Variants in TTC6 observed in about 807,000 individuals in gnomAD.
TTC6 encodes the protein tetratricopeptide repeat domain 6.
Under a neutral mutation model 210.4 loss-of-function variants are expected in TTC6, and 172 were observed. The ratio of observed to expected loss-of-function variants is 0.82; its 90% CI spans 0.72 to 0.93. TTC6 has a LOEUF of 0.93. Among genes scored for constraint, TTC6 ranks in the 40% least tolerant of loss-of-function variants. The pLI is 0.00. For missense variants in TTC6, 2,414 were observed against 2,318.1 expected (o/e 1.04, Z -0.85); for synonymous variants, 804 against 819.6 (o/e 0.98, Z 0.32).
chr14:37,688,094 A>C (rs2138594391), intron 3 of TTC6, among the ~76,000 whole-genome samples: 1 of 152,284 alleles, frequency 6.6e-6, no homozygotes, highest in Non-Finnish European at 1.5e-5. Flanking sequence ...CAGGACAAGC[A>C]GCATTTACCA....
intron 14 of TTC6, among the ~76,000 whole-genome samples, chr14:37,781,880 G>A (rs573777809): frequency 6.6e-6 from 1 of 152,144 alleles, no homozygotes; most frequent in African/African-American, 2.4e-5. Flanking sequence ...TTATTAAGTG[G>A]GGAATCCTTT....
In TTC6 at chr14:37,753,038, G is replaced by A. The variant is rs1435998975; in HGVS notation, c.3130-61G>A. On this transcript the variant is annotated intron_variant, in intron 13 of 30. Coordinates refer to ENST00000553443, the Ensembl canonical transcript of TTC6. The stretch of plus-strand genomic sequence containing the variant: ...AAACATAGTTTTAGATCACTTATGT[G>A]ATTATATACTTCATTTTTTTTCATT... The A allele has an allele frequency of 1.9e-5, 25 of 1,344,714 alleles. No individual in the cohort carries two copies. In the Admixed American group the frequency reaches 3.4e-4, roughly 18 times the overall value. The allele number at this position is 1,344,714 out of a possible 1,614,324, so 83.3% of individuals were successfully genotyped here. A position where few individuals can be genotyped will look rare whatever the true frequency, so the allele number is the denominator to read the frequency against.
intron 1 of TTC6, among the ~76,000 whole-genome samples, chr14:37,658,869 C>G (rs1270412814): frequency 1.3e-5 from 2 of 152,016 alleles, no homozygotes; most frequent in Non-Finnish European, 2.9e-5. Flanking sequence ...ATTTCATCAC[C>G]CAGGTACTAA....
exon 29 of TTC6, chr14:37,827,252 C>T (rs1332094456): frequency 1.2e-6 from 2 of 1,612,908 alleles, no homozygotes; most frequent in Non-Finnish European, 1.7e-6. Flanking sequence ...AGTTTATGGG[C>T]CACAAACAGA....
At chr14:37,790,901 AG>A in intron 16 of TTC6, 64 bp downstream of exon 18, 4 of 1,402,572 alleles carry the variant, frequency 2.9e-6, no homozygotes, top group Non-Finnish European at 1.9e-6. Flanking sequence ...CTGAAATGGG[AG>A]AAAAAGTTTC....
At chr14:37,614,622 C>T (rs893263148) in intron 2 of TTC6, among the ~76,000 whole-genome samples, 17 of 151,040 alleles carry the variant, frequency 1.1e-4, no homozygotes, top group South Asian at 2.1e-4. Flanking sequence ...AATTCCTATC[C>T]GCTGGTGAGT....
chr14:37,824,606 G>A (rs892662581), intron 27 of TTC6, among the ~76,000 whole-genome samples: 7 of 152,142 alleles, frequency 4.6e-5, no homozygotes, highest in African/African-American at 1.4e-4. Flanking sequence ...ACTACCCAGT[G>A]GAGAGATAGG....
At chr14:37,667,614 C>T (rs1475215823) in intron 1 of TTC6, among the ~76,000 whole-genome samples, 2 of 150,550 alleles carry the variant, frequency 1.3e-5, no homozygotes, top group African/African-American at 4.8e-5. Flanking sequence ...ATTTAAAAAA[C>T]GTTAGGGTTA....
At chr14:37,714,862 A>G in intron 6 of TTC6, 66 bp downstream of exon 8, 2 of 1,454,478 alleles carry the variant, frequency 1.4e-6, no homozygotes, top group East Asian at 2.5e-5. Context: ...TGGCTTCAGG[A>G]GACTTTTTTC....
chr14:37,640,122 T>G (rs1281841693), intron 1 of TTC6, among the ~76,000 whole-genome samples: 1 of 152,118 alleles, frequency 6.6e-6, no homozygotes, highest in African/African-American at 2.4e-5. Flanking sequence ...GTGCAGCTTA[T>G]TTTCCATGAG....
At chr14:37,673,010 A>G (rs1278480993) in intron 1 of TTC6, among the ~76,000 whole-genome samples, 1 of 152,116 alleles carries the variant, frequency 6.6e-6, no homozygotes, top group East Asian at 1.9e-4. Flanking sequence ...AAAAGATGCT[A>G]TACACATTTA....
intron 1 of TTC6, among the ~76,000 whole-genome samples, chr14:37,675,768 G>C (rs571855438): frequency 1.3e-5 from 2 of 148,658 alleles, no homozygotes; most frequent in African/African-American, 5.0e-5. Context: ...TTTTTTTATA[G>C]CCATCCTAGT....
chr14:37,817,455 A>G (rs1019621034), intron 25 of TTC6, 123 bp from the exon 28 acceptor site: 2 of 751,630 alleles, frequency 2.7e-6, no homozygotes, highest in African/African-American at 3.5e-5. Context: ...CTTGTGTCAC[A>G]TGTATTTAGG....
chr14:37,800,349 TGACAGTGCTGCCA>T (rs2139383703), intron 20 of TTC6, among the ~76,000 whole-genome samples: 1 of 152,326 alleles, frequency 6.6e-6, no homozygotes, highest in South Asian at 2.1e-4. Context: ...AGCAAGGTGT[TGACAGTGCTGCCA>T]GCTTTCTTTT....
chr14:37,771,994 CTT>C (rs1043877832), intron 14 of TTC6, among the ~76,000 whole-genome samples: 5 of 152,008 alleles, frequency 3.3e-5, no homozygotes, highest in Non-Finnish European at 7.4e-5. Flanking sequence ...TGTGAATGTC[CTT>C]TCTGTTTGTT....
intron 22 of TTC6, 96 bp downstream of exon 24, chr14:37,806,606 A>G: frequency 1.7e-6 from 2 of 1,182,954 alleles, no homozygotes; most frequent in Admixed American, 3.0e-5. Context: ...ACCAACAATC[A>G]GTTTCTTATA....
At chr14:37,639,366 C>A (rs1222566521) in intron 1 of TTC6, among the ~76,000 whole-genome samples, 1 of 152,162 alleles carries the variant, frequency 6.6e-6, no homozygotes, top group Non-Finnish European at 1.5e-5. Context: ...TTTTATTACA[C>A]TTTTCTCTTA....
At chr14:37,837,259 A>G (rs934698450) in intron 29 of TTC6, 6 of 361,122 alleles carry the variant, frequency 1.7e-5, no homozygotes, top group South Asian at 8.7e-5. Context: ...CTTGTGATGT[A>G]TAATTGTGTC....
At chr14:37,691,881 A>G (rs2095804199) in intron 3 of TTC6, among the ~76,000 whole-genome samples, 1 of 152,282 alleles carries the variant, frequency 6.6e-6, no homozygotes, top group Middle Eastern at 3.4e-3. Context: ...TCAGAGGATC[A>G]TTAGTAGCTA....
Sources: allele counts gnomAD v4.1 joint callset (sites outside exome capture counted in the v4.1 genomes callset), GRCh38; gene constraint gnomAD v4.1.1; transcripts MANE v1.5; gene names NCBI Gene and HGNC (gene_info 2026-07-23, HGNC 2026-07-21).